STK38: variants seen among roughly 807,000 people sequenced by gnomAD.
STK38 encodes the protein serine/threonine-protein kinase 38.
A neutral mutation model predicts 59.0 loss-of-function variants in STK38; 26 were observed. The observed-to-expected ratio is 0.44, with a 90% CI of 0.32 to 0.61. The LOEUF (loss-of-function observed/expected upper bound fraction) is 0.61, where lower values mean the gene tolerates loss of function less well. Ranked by LOEUF, STK38 falls within the 20% of genes least tolerant of loss-of-function variation. The pLI is 0.04. For synonymous variants in STK38, 175 were observed against 176.6 expected (o/e 0.99, Z 0.07); for missense variants, 433 against 566.0 (o/e 0.76, Z 2.38).
chr6:36,527,309 TATATATACACAC>T (rs1270225842), intron 2 of STK38, among the ~76,000 whole-genome samples: 2 of 86,392 alleles, frequency 2.3e-5, no homozygotes, highest in East Asian at 4.8e-4. Flanking sequence ...TGTATATACG[TATATATACACAC>T]ATATATATAC....
At chr6:36,546,650 T>C (rs1216154409) in intron 1 of STK38, among the ~76,000 whole-genome samples, 5 of 152,196 alleles carry the variant, frequency 3.3e-5, no homozygotes, top group African/African-American at 1.2e-4. Flanking sequence ...CTGTTGCTTT[T>C]CCACTCTCTT....
At chr6:36,512,991 A>T (rs9470302) in intron 7 of STK38, among the ~76,000 whole-genome samples, 1 of 151,354 alleles carries the variant, frequency 6.6e-6, no homozygotes, top group Non-Finnish European at 1.5e-5. Flanking sequence ...TACTGTCTGT[A>T]ATGTTCAAAT....
intron 2 of STK38, among the ~76,000 whole-genome samples, chr6:36,529,013 G>GA (rs201783548): frequency 4.0e-5 from 6 of 149,896 alleles, no homozygotes; most frequent in African/African-American, 1.5e-4. Context: ...AAAGTATCCA[G>GA]AAAAAAAAAG....
chr6:36,533,320 C>T (rs115456788), intron 2 of STK38, among the ~76,000 whole-genome samples: 132 of 152,174 alleles, frequency 8.7e-4, no homozygotes, highest in Non-Finnish European at 1.6e-3. Flanking sequence ...GCTTACTGTT[C>T]TTTAATGAAA....
chr6:36,543,436 A>G (rs1777988681), intron 1 of STK38, among the ~76,000 whole-genome samples: 1 of 151,942 alleles, frequency 6.6e-6, no homozygotes, highest in African/African-American at 2.4e-5. Context: ...CTTCATCCCA[A>G]TATAAAGCTG....
chr6:36,519,760 G>A (rs973789352), intron 5 of STK38, among the ~76,000 whole-genome samples: 2 of 152,174 alleles, frequency 1.3e-5, no homozygotes, highest in Admixed American at 6.5e-5. Context: ...TAAGAAAGCA[G>A]AAATAAAAGC....
intron 10 of STK38, 86 bp from the exon 11 acceptor site, chr6:36,498,572 CTTTT>C (rs1401809405): frequency 8.5e-7 from 1 of 1,177,334 alleles, no homozygotes; most frequent in Non-Finnish European, 1.2e-6. Flanking sequence ...AATTCTATGT[CTTTT>C]TTTTTCTTTT....
chr6:36,535,037 T>G (rs1777754524), intron 2 of STK38, among the ~76,000 whole-genome samples: 2 of 152,064 alleles, frequency 1.3e-5, no homozygotes, highest in African/African-American at 4.8e-5. Context: ...AACTGGACAG[T>G]GAAATTCTAA....
In STK38 at chr6:36,498,498, A is replaced by C; in HGVS notation, c.953-12T>G. ...GAAAGGTGGGTAGCCTGTAATAAAA[A>C]AGGAACTTCGGAGCTTTTACACTCC... On this transcript the variant is annotated splice_polypyrimidine_tract_variant and intron_variant, in intron 10 of 13. Transcript: ENST00000229812. The C allele has an allele frequency of 6.2e-7, 1 of 1,606,816 alleles. No homozygotes were observed. The highest frequency in any genetic ancestry group is 1.1e-5 in the South Asian group (1 of 89,102).
At chr6:36,510,663 T>C (rs1582419277) in intron 7 of STK38, among the ~76,000 whole-genome samples, 1 of 152,210 alleles carries the variant, frequency 6.6e-6, no homozygotes, top group East Asian at 1.9e-4. Context: ...ATCTCTTAAC[T>C]TTATAATTTT....
chr6:36,508,387 T>C (rs1466845145), intron 7 of STK38, among the ~76,000 whole-genome samples: 1 of 152,240 alleles, frequency 6.6e-6, no homozygotes, highest in Non-Finnish European at 1.5e-5. Context: ...ACAGAGTCTG[T>C]ATTCCCAGAC....
chr6:36,526,685 A>C (rs1490463729), intron 2 of STK38, among the ~76,000 whole-genome samples: 1 of 151,882 alleles, frequency 6.6e-6, no homozygotes, highest in African/African-American at 2.4e-5. Flanking sequence ...ACTTGATGTC[A>C]GGAGTTCGAG....
chr6:36,513,004 T>G (rs1429559804), intron 7 of STK38, among the ~76,000 whole-genome samples: 1 of 152,076 alleles, frequency 6.6e-6, no homozygotes, highest in East Asian at 1.9e-4. Context: ...GTTCAAATTT[T>G]CTACCATGTT....
rs60162863 is a variant in STK38 at position 36,527,207 on chromosome 6, A to AAATATATAT, written c.132-1566_132-1565insATATATATT. ...ACTCCGTCTCAAAAAAAAAAAAAAAAATATATGTATATATATATATATTTA... is the reference window on the plus strand; with the variant it reads ...ACTCCGTCTCAAAAAAAAAAAAAAAAAATATATATATATATGTATATATATATATATTTA... On this transcript the variant is annotated intron_variant, in intron 2 of 13. Coordinates refer to ENST00000229812, the MANE Select transcript of STK38 (RefSeq NM_007271.4). Among the ~76,000 whole-genome samples the AAATATATAT allele has an allele frequency of 6.4e-4, 76 of 119,346 alleles. 1 individual carries two copies. The highest frequency in any genetic ancestry group is 7.4e-4 in the South Asian group (3 of 4,068). The allele number at this position is 119,346 out of a possible 152,430, so 78.3% of individuals were successfully genotyped here. A position where few individuals can be genotyped will look rare whatever the true frequency, so the allele number is the denominator to read the frequency against.
intron 9 of STK38, among the ~76,000 whole-genome samples, chr6:36,502,046 G>A (rs1212630338): frequency 6.6e-6 from 1 of 152,178 alleles, no homozygotes; most frequent in Non-Finnish European, 1.5e-5. Context: ...ACCAACCCCG[G>A]TGGGGATTAG....
intron 5 of STK38, among the ~76,000 whole-genome samples, chr6:36,518,158 A>G (rs1030485135): frequency 8.5e-5 from 13 of 152,234 alleles, no homozygotes; most frequent in Admixed American, 3.9e-4. Context: ...TCTTTTGCAT[A>G]GAGTTTTGTC....
In STK38 at chr6:36,495,683, TG is replaced by T; in HGVS notation, c.*100del. ...AGGAGACTTTACTATGACATATTGG[TG>T]GGTTCCATCAACTTCTTGGAAGCTC... On this transcript the variant is annotated 3_prime_UTR_variant, in exon 14 of 14. Coordinates refer to ENST00000229812, the MANE Select transcript of STK38 (RefSeq NM_007271.4). The T allele has an allele frequency of 6.7e-7, 1 of 1,485,046 alleles. No homozygotes were observed. The highest frequency in any genetic ancestry group is 1.2e-5 in the South Asian group (1 of 80,812). The allele number at this position is 1,485,046 out of a possible 1,614,324, so 92.0% of individuals were successfully genotyped here.
chr6:36,535,034 C>T (rs1777754356), intron 2 of STK38, among the ~76,000 whole-genome samples: 1 of 152,048 alleles, frequency 6.6e-6, no homozygotes, highest in African/African-American at 2.4e-5. Flanking sequence ...AACAACTGGA[C>T]AGTGAAATTC....
chr6:36,522,787 C>T (rs998139186), intron 4 of STK38, among the ~76,000 whole-genome samples: 3 of 127,898 alleles, frequency 2.3e-5, no homozygotes, highest in African/African-American at 9.1e-5. Flanking sequence ...ACCCGAGAGG[C>T]GGAGGTTGCA....
Sources: allele counts gnomAD v4.1 joint callset (sites outside exome capture counted in the v4.1 genomes callset), GRCh38; gene constraint gnomAD v4.1.1; transcripts MANE v1.5; gene names NCBI Gene and HGNC (gene_info 2026-07-23, HGNC 2026-07-21).